The following CLDN10 variants were observed in gnomAD, a reference collection of about 807,000 sequenced individuals.
CLDN10 encodes claudin-10.
In CLDN10, 15 loss-of-function variants were observed where a neutral mutation model predicts 22.9. The observed-to-expected ratio is 0.65, with a 90% CI of 0.44 to 1.01. The LOEUF is 1.01. Ranked by LOEUF, CLDN10 falls within the 50% of genes least tolerant of loss-of-function variation. The pLI, the probability that CLDN10 is intolerant of heterozygous loss-of-function variation, is 0.00. For synonymous variants in CLDN10, 114 were observed against 111.4 expected (o/e 1.02, Z -0.15); for missense variants, 247 against 287.8 (o/e 0.86, Z 1.03).
chr13:95,484,865 CAAAAAAAAAAAAAAAAAAAA>C (rs746231195), intron 1 of CLDN10, among the ~76,000 whole-genome samples: 5 of 93,622 alleles, frequency 5.3e-5, no homozygotes, highest in South Asian at 8.1e-4. Flanking sequence ...GACCCTGTCT[CAAAAAAAAAAAAAAAAAAAA>C]AAAAAAAAAA....
intron 1 of CLDN10, among the ~76,000 whole-genome samples, chr13:95,464,246 T>G (rs2042563352): frequency 6.6e-6 from 1 of 151,978 alleles, no homozygotes; most frequent in Admixed American, 6.6e-5. Flanking sequence ...ATGCTATCCC[T>G]CCCGCCTTCC....
intron 1 of CLDN10, among the ~76,000 whole-genome samples, chr13:95,557,158 C>T (rs1266897954): frequency 2.6e-5 from 4 of 152,208 alleles, no homozygotes; most frequent in African/African-American, 7.2e-5. Flanking sequence ...ATAAATTATA[C>T]TTCAGAGAAC....
chr13:95,443,698 G>T (rs1296738460), intron 1 of CLDN10, among the ~76,000 whole-genome samples: 1 of 152,162 alleles, frequency 6.6e-6, no homozygotes, highest in African/African-American at 2.4e-5. Flanking sequence ...TGCCACCCTG[G>T]GGTGATTAGG....
intron 1 of CLDN10, among the ~76,000 whole-genome samples, chr13:95,467,330 CA>C (rs1042039361): frequency 1.3e-5 from 2 of 151,654 alleles, no homozygotes; most frequent in Non-Finnish European, 2.9e-5. Context: ...TCATTGCATC[CA>C]AAAAAAATCA....
chr13:95,453,675 T>G (rs982032630), intron 1 of CLDN10, among the ~76,000 whole-genome samples: 2 of 147,500 alleles, frequency 1.4e-5, no homozygotes, highest in African/African-American at 5.0e-5. Flanking sequence ...CAGAGTGAGA[T>G]CCATCTCAAA....
At chr13:95,545,797 C>T (rs527779219) in intron 1 of CLDN10, among the ~76,000 whole-genome samples, 2 of 152,188 alleles carry the variant, frequency 1.3e-5, no homozygotes, top group East Asian at 1.9e-4. Flanking sequence ...CACTGCAGAA[C>T]GTCCCCAACT....
intron 1 of CLDN10, among the ~76,000 whole-genome samples, chr13:95,540,557 T>C (rs79823443): frequency 0.017 from 2,604 of 152,340 alleles, 78 homozygotes; most frequent in African/African-American, 0.059. Context: ...CACTTTTTAG[T>C]TGTTAATATG....
chr13:95,578,061 C>A lies in CLDN10; in HGVS notation c.*47C>A. ...CTCTTGAGTTTGTTATAAAAGCGAACTGTTCACAAAATGATCCCATCAAGG... is the reference window on the plus strand; with the variant it reads ...CTCTTGAGTTTGTTATAAAAGCGAAATGTTCACAAAATGATCCCATCAAGG... On this transcript the variant is annotated 3_prime_UTR_variant, in exon 5 of 5. Transcript: ENST00000299339. The A allele has an allele frequency of 8.8e-7, 1 of 1,133,000 alleles. No individual in the cohort carries two copies. Among genetic ancestry groups the A allele is most frequent in the South Asian group, 1.3e-5 (1 of 75,464 alleles). 70.2% of individuals were successfully genotyped at this position (1,133,000 alleles called of 1,614,324 possible). A position where few individuals can be genotyped will look rare whatever the true frequency, so the allele number is the denominator to read the frequency against.
rs1206345405 is a variant in CLDN10, at chr13:95,559,718, T to TACA, written c.221-414_221-413insACA. Among the ~76,000 whole-genome samples the TACA allele has an allele frequency of 2.0e-5, 3 of 152,188 alleles. No individual in the cohort carries two copies. The East Asian group carries it at 5.8e-4, about 29-fold the overall frequency. ...CCAATGAGCGGAGGAGCTACAGAGT[T>TACA]GTGATGGTGGCAGATGATGTTTTTT... On this transcript the variant is annotated intron_variant, in intron 1 of 4. Transcript: ENST00000299339.
At position 95,578,769 on chromosome 13, in the gene CLDN10, C is replaced by T. The variant is rs985167368; in HGVS notation, c.*755C>T. 1.3e-5 allele frequency: 2 copies of T among 152,184 alleles called. No homozygotes were observed. Among genetic ancestry groups the T allele is most frequent in the Admixed American group, 1.3e-4 (2 of 15,278 alleles). The allele number at this position is 152,184 out of a possible 1,614,324, so 9.4% of individuals were successfully genotyped here. On this transcript the variant is annotated 3_prime_UTR_variant, in exon 5 of 5. Coordinates refer to ENST00000299339, the MANE Select transcript of CLDN10 (RefSeq NM_006984.5). The stretch of plus-strand genomic sequence containing the variant: ...GTGAATATTTAGTTGTTTTCATAAA[C>T]GATGCTGTGATGAAGACTCATGTAC...
chr13:95,554,773 A>G (rs906696792), intron 1 of CLDN10, among the ~76,000 whole-genome samples: 4 of 152,200 alleles, frequency 2.6e-5, no homozygotes, highest in African/African-American at 9.6e-5. Flanking sequence ...TATTCATTAG[A>G]CTGCATAAAA....
At chr13:95,497,824 A>C (rs1165023457) in intron 1 of CLDN10, among the ~76,000 whole-genome samples, 1 of 152,190 alleles carries the variant, frequency 6.6e-6, no homozygotes, top group African/African-American at 2.4e-5. Flanking sequence ...GAATACTAGA[A>C]AGGGGAATTC....
At chr13:95,565,423 C>T (rs2043773017) in intron 3 of CLDN10, among the ~76,000 whole-genome samples, 1 of 152,104 alleles carries the variant, frequency 6.6e-6, no homozygotes, top group Admixed American at 6.5e-5. Context: ...TTGTATATGA[C>T]ATTTACCGTT....
intron 1 of CLDN10, among the ~76,000 whole-genome samples, chr13:95,535,583 G>T (rs961823689): frequency 1.3e-5 from 2 of 151,728 alleles, no homozygotes; most frequent in Non-Finnish European, 2.9e-5. Flanking sequence ...GGAGGTGGGG[G>T]TGAGAGGTTT....
intron 1 of CLDN10, among the ~76,000 whole-genome samples, chr13:95,529,308 G>C (rs553416132): frequency 6.6e-6 from 1 of 152,090 alleles, no homozygotes; most frequent in East Asian, 1.9e-4. Flanking sequence ...CCTTTGATTG[G>C]CAGGTGTTTC....
intron 1 of CLDN10, among the ~76,000 whole-genome samples, chr13:95,525,987 T>C (rs1047844791): frequency 3.3e-5 from 5 of 152,232 alleles, no homozygotes; most frequent in African/African-American, 1.2e-4. Context: ...CGTTCTTCTA[T>C]ATTCCTTGTC....
chr13:95,560,294 G>A lies in CLDN10; in HGVS notation c.382+1G>A, dbSNP rs776163122. On this transcript the variant is annotated splice_donor_variant, in intron 2 of 4. Transcript: ENST00000299339. LOFTEE classifies it high-confidence loss of function. ...GCTGGGATTGTATTCATACTGTCAG[G>A]TAAATAGTAACTTTCTTCCAAACAA... 1 of 1,614,018 alleles carries A rather than the reference G, an allele frequency of 6.2e-7. No individual in the cohort carries two copies. Among genetic ancestry groups the A allele is most frequent in the South Asian group, 1.1e-5 (1 of 91,070 alleles).
intron 1 of CLDN10, among the ~76,000 whole-genome samples, chr13:95,504,371 T>A (rs2043016079): frequency 6.6e-6 from 1 of 152,150 alleles, no homozygotes; most frequent in African/African-American, 2.4e-5. Flanking sequence ...ATTCCTTAAT[T>A]TTTTATTTTA....
intron 1 of CLDN10, among the ~76,000 whole-genome samples, chr13:95,498,479 C>A (rs917984464): frequency 2.0e-5 from 3 of 152,176 alleles, no homozygotes; most frequent in Admixed American, 6.5e-5. Flanking sequence ...AGTGCAGCCT[C>A]AACCTCCTGG....
Sources: allele counts gnomAD v4.1 joint callset (sites outside exome capture counted in the v4.1 genomes callset), GRCh38; gene constraint gnomAD v4.1.1; transcripts MANE v1.5; gene names NCBI Gene and HGNC (gene_info 2026-07-23, HGNC 2026-07-21).